Variants in RGS3 observed in about 807,000 individuals in gnomAD.
The protein encoded by RGS3 is regulator of G-protein signalling 3.
In RGS3, 80 loss-of-function variants were observed where a neutral mutation model predicts 132.6. That is an observed-to-expected ratio of 0.60 (90% CI 0.50 to 0.73). RGS3 has a LOEUF of 0.73. Among genes scored for constraint, RGS3 ranks in the 30% least tolerant of loss-of-function variants. RGS3 has a pLI of 0.00. For missense variants in RGS3, 1,382 were observed against 1,530.8 expected (o/e 0.90, Z 1.62); for synonymous variants, 598 against 620.6 (o/e 0.96, Z 0.54).
At chr9:113,462,473 C>T (rs962540510) in intron 3 of RGS3, among the ~76,000 whole-genome samples, 2 of 152,222 alleles carry the variant, frequency 1.3e-5, no homozygotes, top group African/African-American at 4.8e-5. Flanking sequence ...GCGTTTGCTC[C>T]TTCCACCTGC....
intron 15 of RGS3, 93 bp downstream of exon 13, chr9:113,514,747 A>G: frequency 1.6e-6 from 2 of 1,233,770 alleles, no homozygotes; most frequent in South Asian, 1.4e-5. Flanking sequence ...GACTTATCCC[A>G]GGACTGAGGG....
intron 10 of RGS3, among the ~76,000 whole-genome samples, chr9:113,502,609 G>A (rs1382044236): frequency 6.6e-6 from 1 of 152,248 alleles, no homozygotes; most frequent in African/African-American, 2.4e-5. Context: ...GGATGGCAGA[G>A]TGGTGAGACA....
chr9:113,565,194 G>A lies in RGS3; in HGVS notation c.2038-18256G>A. On this transcript the variant is annotated intron_variant, in intron 19 of 24. Coordinates refer to ENST00000350696, the Ensembl canonical transcript of RGS3. The surrounding 1 kb of genome is among the most constrained non-coding windows in gnomAD (Gnocchi z 5.7). ...AGCATGTAACCCGGGAGCCAGCTGGGCCCCTCGCGGGGTGGGCAGAAGGAC... is the reference window on the plus strand; with the variant it reads ...AGCATGTAACCCGGGAGCCAGCTGGACCCCTCGCGGGGTGGGCAGAAGGAC... 1 of 1,241,582 alleles carries A rather than the reference G, an allele frequency of 8.1e-7. No individual in the cohort carries two copies. The highest frequency in any genetic ancestry group is 1.0e-6 in the Non-Finnish European group (1 of 964,630). The allele number at this position is 1,241,582 out of a possible 1,614,324, so 76.9% of individuals were successfully genotyped here. A position where few individuals can be genotyped will look rare whatever the true frequency, so the allele number is the denominator to read the frequency against.
At chr9:113,456,813 T>C (rs563223695), upstream of RGS3, among the ~76,000 whole-genome samples, 1 of 152,326 alleles carries the variant, frequency 6.6e-6, no homozygotes, top group East Asian at 1.9e-4. Context: ...ATTTATTTTT[T>C]TTTTGAGACA....
At chr9:113,514,020 C>T (rs1831525605) in intron 14 of RGS3, among the ~76,000 whole-genome samples, 1 of 152,334 alleles carries the variant, frequency 6.6e-6, no homozygotes, top group East Asian at 1.9e-4. Context: ...GCCACACAGG[C>T]TGGTCACCAC....
chr9:113,584,545 G>A, intron 20 of RGS3, 118 bp downstream of exon 18: 1 of 1,200,196 alleles, frequency 8.3e-7, no homozygotes, highest in Non-Finnish European at 1.1e-6. Context: ...CAGCCTCCCA[G>A]CGAACTTTCC....
In RGS3 at chr9:113,467,668, T is replaced by C. The variant is rs536567592; in HGVS notation, c.415+5467T>C. The stretch of plus-strand genomic sequence containing the variant: ...ATGATTTGCAAATATTTTCTCTCTA[T>C]CTGTGGGTTTTTTTCACTTTCTTGA... On this transcript the variant is annotated intron_variant, in intron 3 of 24. Coordinates refer to ENST00000350696, the Ensembl canonical transcript of RGS3. Among the ~76,000 whole-genome samples the C allele has an allele frequency of 1.4e-4, 22 of 152,322 alleles. No individual in the cohort carries two copies. In the South Asian group the frequency reaches 4.6e-3, roughly 32 times the overall value.
intron 16 of RGS3, among the ~76,000 whole-genome samples, chr9:113,520,815 A>G (rs990486077): frequency 6.6e-6 from 1 of 151,606 alleles, no homozygotes; most frequent in Non-Finnish European, 1.5e-5. Flanking sequence ...ATCTCTTAAC[A>G]TTATTATTAT....
rs150435423 is a variant in RGS3 at position 113,568,215 on chromosome 9, G to A, written c.2038-15235G>A. ...AGGCCTCTCTGTACTGCACCAACTG[G>A]ATGTCTCAGAGTATCCAGGTTTCAT... On this transcript the variant is annotated intron_variant, in intron 19 of 24. Coordinates refer to ENST00000350696, the Ensembl canonical transcript of RGS3. Among the ~76,000 whole-genome samples the A allele has an allele frequency of 2.5e-4, 38 of 152,324 alleles. No homozygotes were observed. The East Asian group carries it at 7.1e-3, about 29-fold the overall frequency.
At chr9:113,469,435 G>A (rs979342887) in intron 3 of RGS3, among the ~76,000 whole-genome samples, 1 of 152,182 alleles carries the variant, frequency 6.6e-6, no homozygotes, top group Non-Finnish European at 1.5e-5. Context: ...CTGCTCAGGA[G>A]CTTTCAGAAA....
At chr9:113,479,528 T>C (rs368674481) in exon 4 of RGS3, 10 of 1,614,100 alleles carry the variant, frequency 6.2e-6, no homozygotes, top group Non-Finnish European at 8.5e-6. Flanking sequence ...AGGACCGGGT[T>C]CTGCTGCTTC....
exon 16 of RGS3, chr9:113,517,555 T>C (rs1427664900): frequency 1.2e-6 from 2 of 1,613,304 alleles, no homozygotes; most frequent in East Asian, 2.2e-5. Context: ...TAGATCTCTG[T>C]AATCCTGCCC....
chr9:113,528,137 G>A (rs1267509605), intron 17 of RGS3, among the ~76,000 whole-genome samples: 2 of 152,202 alleles, frequency 1.3e-5, no homozygotes, highest in African/African-American at 4.8e-5. Flanking sequence ...AACAGTGGTT[G>A]GCATGGAGCA....
At chr9:113,514,330 C>T in intron 14 of RGS3, 128 bp from the exon 13 acceptor site, 1 of 827,536 alleles carries the variant, frequency 1.2e-6, no homozygotes, top group East Asian at 2.5e-5. Flanking sequence ...GTGCGCAGGG[C>T]CTGGCACAAA....
chr9:113,530,236 A>C (rs908463735), intron 18 of RGS3, among the ~76,000 whole-genome samples: 2 of 152,244 alleles, frequency 1.3e-5, no homozygotes, highest in Non-Finnish European at 2.9e-5. Context: ...CCTGGCTAAG[A>C]AGTGCAAGGC....
At chr9:113,470,879 C>T (rs183108026) in intron 3 of RGS3, among the ~76,000 whole-genome samples, 3 of 152,262 alleles carry the variant, frequency 2.0e-5, no homozygotes, top group Admixed American at 2.0e-4. Context: ...GAAGGAGGAT[C>T]ACTTGAGCCT....
chr9:113,558,434 C>T (rs1033157028), intron 19 of RGS3, among the ~76,000 whole-genome samples: 8 of 151,928 alleles, frequency 5.3e-5, no homozygotes, highest in African/African-American at 1.2e-4. Flanking sequence ...ACCTGGGAGG[C>T]GGAGGTTGCA....
intron 4 of RGS3, among the ~76,000 whole-genome samples, chr9:113,479,981 T>A (rs1830108937): frequency 6.6e-6 from 1 of 152,182 alleles, no homozygotes; most frequent in African/African-American, 2.4e-5. Context: ...CCACTATAAT[T>A]TGAACCCTGG....
At chr9:113,487,497 T>G (rs1274382138) in intron 7 of RGS3, among the ~76,000 whole-genome samples, 5 of 152,174 alleles carry the variant, frequency 3.3e-5, no homozygotes, top group African/African-American at 1.2e-4. Context: ...TTAGAGAGGT[T>G]AGGAATTTGC....
Sources: gnomAD v4.1 joint callset for allele counts (sites outside exome capture counted in the v4.1 genomes callset) on GRCh38, gnomAD v4.1.1 for gene constraint, Gnocchi (gnomAD v3.1) non-coding constraint, MANE v1.5 for transcripts, NCBI Gene and HGNC (gene_info 2026-07-23, HGNC 2026-07-21) for gene names.